RAB11FIP4: variants seen among roughly 807,000 people sequenced by gnomAD.
RAB11FIP4 encodes the protein RAB11 family interacting protein 4.
RAB11FIP4 carries 23 observed loss-of-function variants against 74.3 expected under a neutral mutation model. The ratio of observed to expected loss-of-function variants is 0.31; its 90% confidence interval spans 0.22 to 0.44. RAB11FIP4 has a LOEUF of 0.44. Among genes scored for constraint, RAB11FIP4 ranks in the 20% least tolerant of loss-of-function variants. The probability of loss-of-function intolerance (pLI) is 1.00; values close to 1 mark genes in which losing one functional copy is unlikely to be tolerated. For missense variants in RAB11FIP4, 630 were observed against 863.9 expected (o/e 0.73, Z 3.39); for synonymous variants, 360 against 359.9 (o/e 1.00, Z 0.00).
chr17:31,522,196 C>A, intron 6 of RAB11FIP4, 147 bp downstream of exon 6: 1 of 1,305,654 alleles, frequency 7.7e-7, no homozygotes, highest in Non-Finnish European at 1.1e-6. Flanking sequence ...CTTTTTCTGC[C>A]ACAGGAAATC....
chr17:31,403,513 G>A (rs967404190), intron 1 of RAB11FIP4, among the ~76,000 whole-genome samples: 15 of 151,934 alleles, frequency 9.9e-5, no homozygotes, highest in Non-Finnish European at 1.6e-4. Context: ...TAGTAGAAAC[G>A]GGGTTTCACC....
intron 1 of RAB11FIP4, among the ~76,000 whole-genome samples, chr17:31,429,629 C>T (rs1477801887): frequency 3.3e-5 from 5 of 152,160 alleles, no homozygotes; most frequent in Non-Finnish European, 7.3e-5. Flanking sequence ...GAGTTGGAGA[C>T]CAGCCTGGCC....
intron 5 of RAB11FIP4, among the ~76,000 whole-genome samples, chr17:31,521,616 C>T (rs1437249009): frequency 6.6e-6 from 1 of 152,080 alleles, no homozygotes; most frequent in Non-Finnish European, 1.5e-5. Flanking sequence ...ATCCTAGAAC[C>T]TCAGTGTTGA....
chr17:31,479,782 A>G (rs955866460), intron 3 of RAB11FIP4, among the ~76,000 whole-genome samples: 2 of 152,162 alleles, frequency 1.3e-5, no homozygotes, highest in African/African-American at 4.8e-5. Context: ...TCTACTCCCA[A>G]CCACCTCCCT....
intron 1 of RAB11FIP4, among the ~76,000 whole-genome samples, chr17:31,394,740 A>C (rs959744120): frequency 8.5e-5 from 13 of 152,156 alleles, no homozygotes; most frequent in Non-Finnish European, 1.8e-4. Flanking sequence ...GGTGTGTCTG[A>C]ATCCACAAGG....
chr17:31,523,765 AC>A, intron 8 of RAB11FIP4, 127 bp from the exon 9 acceptor site: 1 of 982,042 alleles, frequency 1.0e-6, no homozygotes. Context: ...CCACTCCCCC[AC>A]CCCACACATG....
intron 3 of RAB11FIP4, among the ~76,000 whole-genome samples, chr17:31,503,036 T>TGTTG (rs141212580): frequency 6.6e-6 from 1 of 151,318 alleles, no homozygotes; most frequent in Non-Finnish European, 1.5e-5. Flanking sequence ...TTATTATTAT[T>TGTTG]TTGTTGTTTG....
intron 1 of RAB11FIP4, among the ~76,000 whole-genome samples, chr17:31,393,157 G>T (rs1320847655): frequency 6.6e-6 from 1 of 152,268 alleles, no homozygotes; most frequent in African/African-American, 2.4e-5. Context: ...AGAAGAGAGT[G>T]AGGCAGCTTC....
intron 1 of RAB11FIP4, among the ~76,000 whole-genome samples, chr17:31,417,525 G>C (rs2071159763): frequency 1.3e-5 from 2 of 152,170 alleles, no homozygotes; most frequent in South Asian, 2.1e-4. Context: ...TCCAAGCCAA[G>C]CCCTGAAACC....
chr17:31,499,040 C>T (rs915620261), intron 3 of RAB11FIP4, among the ~76,000 whole-genome samples: 6 of 152,184 alleles, frequency 3.9e-5, no homozygotes, highest in African/African-American at 9.7e-5. Context: ...GCCCTTTATA[C>T]GCACCCCATT....
At chr17:31,464,057 G>A (rs552079499) in intron 3 of RAB11FIP4, among the ~76,000 whole-genome samples, 4 of 151,890 alleles carry the variant, frequency 2.6e-5, no homozygotes, top group Admixed American at 6.6e-5. Context: ...CAGGTCATCC[G>A]CCCACCCCAT....
chr17:31,517,198 G>GA (rs1441911853), intron 3 of RAB11FIP4, among the ~76,000 whole-genome samples: 3 of 130,652 alleles, frequency 2.3e-5, no homozygotes, highest in African/African-American at 8.4e-5. Context: ...GTGCGGGGGG[G>GA]GGGGCGGTGG....
At chr17:31,502,051 C>T (rs955416119) in intron 3 of RAB11FIP4, among the ~76,000 whole-genome samples, 1 of 152,040 alleles carries the variant, frequency 6.6e-6, no homozygotes, top group African/African-American at 2.4e-5. Context: ...TGCCAAAACC[C>T]CATCTGTACT....
chr17:31,443,525 T>C (rs909671513), intron 3 of RAB11FIP4, among the ~76,000 whole-genome samples: 1 of 152,238 alleles, frequency 6.6e-6, no homozygotes, highest in Admixed American at 6.5e-5. Context: ...TTTGCCTTTT[T>C]CCTGTCAGTT....
chr17:31,418,506 C>G (rs1057457283), intron 1 of RAB11FIP4, among the ~76,000 whole-genome samples: 5 of 137,418 alleles, frequency 3.6e-5, no homozygotes, highest in African/African-American at 1.4e-4. Flanking sequence ...CTGTGTCACT[C>G]AGGCTGGAGT....
intron 1 of RAB11FIP4, among the ~76,000 whole-genome samples, chr17:31,404,236 G>A (rs977541776): frequency 5.9e-5 from 9 of 152,136 alleles, no homozygotes; most frequent in Non-Finnish European, 1.2e-4. Context: ...CATCCTCCTC[G>A]GCCTGCACTG....
chr17:31,528,682 G>C lies in RAB11FIP4; in HGVS notation c.1557G>C (p.Arg519=). 1.9e-6 allele frequency: 3 copies of C among 1,612,816 alleles called. No individual in the cohort carries two copies. Among genetic ancestry groups the C allele is most frequent in the Non-Finnish European group, 2.5e-6 (3 of 1,179,636 alleles). ...AGATGTACAAGCTGGACTGCGAGCG[G>C]CCAGGCAGGGGCCGCAGTGCCTCCT... ...HLQMYKLDCE[R]PGRGRSASSG... is the part of the protein sequence containing the mutation. Residue 519 remains arginine (R), a synonymous_variant, in exon 13 of 15, where the codon CGG becomes CGC. Transcript: ENST00000621161.
At chr17:31,522,199 A>G (rs959312789) in intron 6 of RAB11FIP4, 150 bp downstream of exon 6, 2 of 1,305,836 alleles carry the variant, frequency 1.5e-6, no homozygotes, top group Non-Finnish European at 2.1e-6. Flanking sequence ...TTTCTGCCAC[A>G]GGAAATCAGG....
At chr17:31,461,497 G>T (rs551940581) in intron 3 of RAB11FIP4, among the ~76,000 whole-genome samples, 1 of 152,346 alleles carries the variant, frequency 6.6e-6, no homozygotes, top group South Asian at 2.1e-4. Context: ...CAAAGAGGGA[G>T]ATGAGAGTAT....
Sources: allele counts gnomAD v4.1 joint callset (sites outside exome capture counted in the v4.1 genomes callset), GRCh38; gene constraint gnomAD v4.1.1; transcripts MANE v1.5; gene names NCBI Gene and HGNC (gene_info 2026-07-23, HGNC 2026-07-21).